Variants in DSG4 observed in about 807,000 individuals in gnomAD.
DSG4 encodes desmoglein-4.
DSG4 carries 87 observed loss-of-function variants against 93.1 expected under a neutral mutation model. The observed-to-expected ratio is 0.93, with a 90% CI of 0.79 to 1.12. The LOEUF (loss-of-function observed/expected upper bound fraction) is 1.12. Among genes scored for constraint, DSG4 ranks in the 50% most tolerant of loss-of-function variants. DSG4 has a pLI of 0.00. For synonymous variants in DSG4, 432 were observed against 452.9 expected (o/e 0.95, Z 0.59); for missense variants, 1,373 against 1,285.7 (o/e 1.07, Z -1.04).
At chr18:31,383,070 G>A (rs2144162385) in intron 1 of DSG4, among the ~76,000 whole-genome samples, 2 of 152,286 alleles carry the variant, frequency 1.3e-5, no homozygotes, top group Non-Finnish European at 2.9e-5. Context: ...ACTTTTAGAT[G>A]CCACGGGGCA....
intron 10 of DSG4, chr18:31,401,798 C>CTGTA (rs1345617578): frequency 6.6e-6 from 1 of 152,106 alleles, no homozygotes; most frequent in East Asian, 1.9e-4. Context: ...AAGACAGATA[C>CTGTA]TGTAGGTTTG....
intron 1 of DSG4, among the ~76,000 whole-genome samples, chr18:31,383,790 GGC>G (rs1037574797): frequency 2.0e-5 from 3 of 151,968 alleles, no homozygotes; most frequent in African/African-American, 7.3e-5. Context: ...AATTATCTGG[GGC>G]ACTAAACTAA....
chr18:31,403,592 C>CTCAT lies in DSG4; in HGVS notation c.1594_1595insTCAT (p.Pro532LeufsTer7), dbSNP rs765585046. 1 of 1,613,974 alleles carries CTCAT rather than the reference C, an allele frequency of 6.2e-7. No homozygotes were observed. The highest frequency in any genetic ancestry group is 8.5e-7 in the Non-Finnish European group (1 of 1,179,928). On this transcript the variant is annotated frameshift_variant, in exon 11 of 16. Coordinates refer to ENST00000308128, the MANE Select transcript of DSG4 (RefSeq NM_177986.5). LOFTEE classifies it high-confidence loss of function. The stretch of plus-strand genomic sequence containing the variant: ...GTTTACTTTCTGTGTTGTTGATGAG[C>CTCAT]CACCAGGAATAGCTGACATGTGGGA...
At position 31,413,487 on chromosome 18, in the gene DSG4, A is replaced by G. The variant is rs775587259; in HGVS notation, c.3015A>G (p.Gln1005=). The part of the protein sequence containing the change: ...ILVGPEIQVM[Q]MMSPDLPIGQ... ...TAGGGCCAGAAATTCAAGTGATGCA[A>G]ATGATGAGTCCAGACCTTCCCATAG... Residue 1005 remains glutamine, a synonymous_variant, in exon 16 of 16, where the codon CAA becomes CAG. Coordinates refer to ENST00000308128, the MANE Select transcript of DSG4 (RefSeq NM_177986.5). The G allele has an allele frequency of 1.7e-5, 27 of 1,612,488 alleles. No individual in the cohort carries two copies. Among genetic ancestry groups the G allele is most frequent in the Non-Finnish European group, 2.2e-5 (26 of 1,178,704 alleles).
chr18:31,381,294 T>G (rs1265026469), intron 1 of DSG4, among the ~76,000 whole-genome samples: 1 of 152,056 alleles, frequency 6.6e-6, no homozygotes, highest in African/African-American at 2.4e-5. Context: ...ACATTGCCAT[T>G]CCAACACCTG....
intron 12 of DSG4, among the ~76,000 whole-genome samples, chr18:31,409,090 T>C (rs1427059054): frequency 6.6e-6 from 1 of 152,224 alleles, no homozygotes; most frequent in Non-Finnish European, 1.5e-5. Flanking sequence ...TTCAATCCTC[T>C]TGATAACATA....
At chr18:31,396,714 A>T (rs1164803412) in intron 8 of DSG4, among the ~76,000 whole-genome samples, 1 of 152,126 alleles carries the variant, frequency 6.6e-6, no homozygotes, top group East Asian at 1.9e-4. Context: ...AGCTAGTCTC[A>T]ATTTACCCAG....
In DSG4 at chr18:31,411,429, T is replaced by A. The variant is rs763929864; in HGVS notation, c.2336T>A (p.Leu779Ter). Reference protein sequence around the residue: ...YADADINMAFLDSYFSEKAYA... With the variant: ...YADADINMAF Reference sequence around the variant, plus strand: ...GACGCAGACATCAACATGGCTTTCTTGGACAGCTACTTCTCGGAGGTAATG... The same window carrying A: ...GACGCAGACATCAACATGGCTTTCTAGGACAGCTACTTCTCGGAGGTAATG... Residue 779 changes from leucine to a stop codon, truncating the protein, a stop_gained, in exon 15 of 16, where the codon TTG (leucine) becomes TAG (stop). Coordinates refer to ENST00000308128, the MANE Select transcript of DSG4 (RefSeq NM_177986.5). LOFTEE classifies it high-confidence loss of function. 1.2e-6 allele frequency: 2 copies of A among 1,613,806 alleles called. No individual in the cohort carries two copies. The highest frequency in any genetic ancestry group is 2.7e-5 in the African/African-American group (2 of 74,858).
intron 5 of DSG4, among the ~76,000 whole-genome samples, 157 bp from the exon 6 acceptor site, chr18:31,390,499 A>G (rs1404878331): frequency 1.3e-5 from 2 of 152,106 alleles, no homozygotes; most frequent in Non-Finnish European, 2.9e-5. Context: ...TTTTTTAATC[A>G]CTGGTAGAGC....
intron 9 of DSG4, among the ~76,000 whole-genome samples, chr18:31,399,855 G>A (rs889778539): frequency 1.3e-5 from 2 of 152,112 alleles, no homozygotes; most frequent in African/African-American, 2.4e-5. Context: ...CTGGACCGGG[G>A]CTGATTAAGC....
At position 31,388,364 on chromosome 18, in the gene DSG4, T is replaced by C. The variant is rs1229029696; in HGVS notation, c.217-3T>C. The stretch of plus-strand genomic sequence containing the variant: ...ATCACAATCCTAGCTATTTTTCTTA[T>C]AGATTCGATCAGACTGCGAATCGAA... On this transcript the variant is annotated splice_polypyrimidine_tract_variant and splice_region_variant and intron_variant, in intron 3 of 15. Transcript: ENST00000308128. 6 of 1,612,774 alleles carry C rather than the reference T, an allele frequency of 3.7e-6. No homozygotes were observed. The highest frequency in any genetic ancestry group is 4.5e-5 in the East Asian group (2 of 44,828).
At chr18:31,403,371 C>T (rs1434574729) in intron 10 of DSG4, 45 bp from the exon 11 acceptor site, 1 of 1,500,038 alleles carries the variant, frequency 6.7e-7, no homozygotes, top group Non-Finnish European at 9.2e-7. Flanking sequence ...AGAGTTTTCT[C>T]CCTAACACCA....
At position 31,388,393 on chromosome 18, in the gene DSG4, G is replaced by A; in HGVS notation, c.243G>A (p.Gln81=). 6.2e-7 allele frequency: 1 copy of A among 1,613,396 alleles called. No homozygotes were observed. The highest frequency in any genetic ancestry group is 8.5e-7 in the Non-Finnish European group (1 of 1,179,572). ...TTCGATCAGACTGCGAATCGAACCA[G>A]AAGATAACATACCGGATTTCTGGAG... ...AKIRSDCESN[Q]KITYRISGVG... The change falls in exon 4 of 16, where the codon CAG becomes CAA. Residue 81 remains glutamine (Q), a synonymous_variant. Coordinates refer to ENST00000308128, the MANE Select transcript of DSG4 (RefSeq NM_177986.5).
rs757879343 is a variant in DSG4, at chr18:31,399,492, G to A, written c.1226G>A (p.Gly409Asp). The change falls in exon 9 of 16, where the codon GGC (glycine) becomes GAC (aspartate). Residue 409 changes from glycine to aspartate, a missense_variant. By Grantham distance (94) the Gly-to-Asp change is moderately conservative. Transcript: ENST00000308128. ...AGTTCCTTATTGAATTATGTGCTTGGCACATATACAGCCATAGATTTGGAC... is the reference window on the plus strand; with the variant it reads ...AGTTCCTTATTGAATTATGTGCTTGACACATATACAGCCATAGATTTGGAC... The part of the protein sequence containing the change: ...KGSSLLNYVL[G>D]TYTAIDLDTG... 1 of 1,614,022 alleles carries A rather than the reference G, an allele frequency of 6.2e-7. No individual in the cohort carries two copies. Among genetic ancestry groups the A allele is most frequent in the South Asian group, 1.1e-5 (1 of 91,068 alleles).
At chr18:31,406,421 G>A (rs1259034388) in intron 12 of DSG4, 48 bp downstream of exon 12, 3 of 1,610,496 alleles carry the variant, frequency 1.9e-6, no homozygotes, top group Non-Finnish European at 2.5e-6. Context: ...TCAAAATAGG[G>A]CTGTTACGAG....
At position 31,413,637 on chromosome 18, in the gene DSG4, G is replaced by A. The variant is rs762073760; in HGVS notation, c.*42G>A. ...ATTCTATGTGGAGACCTTGCACCTT[G>A]TAATCATCAATACATCCACCAAAAA... is the stretch of plus-strand genomic sequence containing the variant. On this transcript the variant is annotated 3_prime_UTR_variant, in exon 16 of 16. Transcript: ENST00000308128. The A allele has an allele frequency of 2.7e-5, 43 of 1,601,980 alleles. No homozygotes were observed. In the South Asian group the frequency reaches 4.7e-4, roughly 18 times the overall value.
chr18:31,409,377 C>T (rs2072460255), intron 12 of DSG4, 75 bp from the exon 13 acceptor site: 4 of 1,608,114 alleles, frequency 2.5e-6, no homozygotes, highest in Non-Finnish European at 3.4e-6. Context: ...CCAAATGCTC[C>T]CCAGAATGAT....
chr18:31,386,883 C>G (rs749496896), intron 3 of DSG4, 64 bp downstream of exon 3: 29 of 1,605,776 alleles, frequency 1.8e-5, no homozygotes, highest in African/African-American at 2.7e-5. Flanking sequence ...CAAATATCTC[C>G]AAGATTTGCA....
At chr18:31,385,888 T>C (rs2072181636) in intron 2 of DSG4, among the ~76,000 whole-genome samples, 1 of 152,098 alleles carries the variant, frequency 6.6e-6, no homozygotes, top group Non-Finnish European at 1.5e-5. Flanking sequence ...TCACCTGTGT[T>C]TCAGGGGGTA....
Sources: allele counts gnomAD v4.1 joint callset (sites outside exome capture counted in the v4.1 genomes callset), GRCh38; gene constraint gnomAD v4.1.1; transcripts MANE v1.5; gene names NCBI Gene and HGNC (gene_info 2026-07-23, HGNC 2026-07-21).